Variants in MACROD2 observed in about 807,000 individuals in gnomAD.
MACROD2 encodes the protein mono-ADP ribosylhydrolase 2, also known as ADP-ribose glycohydrolase MACROD2.
Under a neutral mutation model 70.4 loss-of-function variants are expected in MACROD2, and 36 were observed. The ratio of observed to expected loss-of-function variants is 0.51; its 90% confidence interval spans 0.39 to 0.68. MACROD2 has a LOEUF of 0.68. Ranked by LOEUF, MACROD2 falls within the 30% of genes least tolerant of loss-of-function variation. The pLI, the probability that MACROD2 is intolerant of heterozygous loss-of-function variation, is 0.00. For synonymous variants in MACROD2, 172 were observed against 178.8 expected (o/e 0.96, Z 0.30); for missense variants, 496 against 538.4 (o/e 0.92, Z 0.78).
chr20:14,255,742 C>T (rs980810070), intron 3 of MACROD2, among the ~76,000 whole-genome samples: 1 of 150,938 alleles, frequency 6.6e-6, no homozygotes, highest in Non-Finnish European at 1.5e-5. Flanking sequence ...AATGTCATTC[C>T]ATTGTCTTCT....
At chr20:14,416,775 T>C (rs1472183112) in intron 3 of MACROD2, among the ~76,000 whole-genome samples, 1 of 152,234 alleles carries the variant, frequency 6.6e-6, no homozygotes, top group African/African-American at 2.4e-5. Context: ...AATCCTAGGC[T>C]ATCCTGGAGT....
At chr20:14,417,770 TTC>T (rs1339913720) in intron 3 of MACROD2, among the ~76,000 whole-genome samples, 1 of 152,228 alleles carries the variant, frequency 6.6e-6, no homozygotes, top group Non-Finnish European at 1.5e-5. Flanking sequence ...GCTGTATTAC[TTC>T]TGTTTTGAAT....
At chr20:15,643,364 A>T (rs957533841) in intron 8 of MACROD2, among the ~76,000 whole-genome samples, 2 of 152,226 alleles carry the variant, frequency 1.3e-5, no homozygotes, top group African/African-American at 2.4e-5. Flanking sequence ...CTCATTTCTT[A>T]TCATTCTGAT....
chr20:14,774,655 CT>C, intron 5 of MACROD2, among the ~76,000 whole-genome samples: 1 of 152,024 alleles, frequency 6.6e-6, no homozygotes, highest in Non-Finnish European at 1.5e-5. Flanking sequence ...ATTATTACAT[CT>C]AGACTTATAG....
intron 6 of MACROD2, among the ~76,000 whole-genome samples, chr20:15,278,242 G>A (rs1267343155): frequency 6.6e-6 from 1 of 152,196 alleles, no homozygotes; most frequent in Non-Finnish European, 1.5e-5. Flanking sequence ...GGCAGACTTA[G>A]GGATAGGTTA....
chr20:15,477,099 G>GTTTT (rs371999407), intron 7 of MACROD2, among the ~76,000 whole-genome samples: 12,328 of 115,138 alleles, frequency 0.11, 976 homozygotes, highest in African/African-American at 0.13. Context: ...TCTATTTTTA[G>GTTTT]TTTTTTTTTT....
intron 7 of MACROD2, among the ~76,000 whole-genome samples, chr20:15,454,447 A>ACACG (rs1555822881): frequency 6.9e-6 from 1 of 145,144 alleles, no homozygotes; most frequent in African/African-American, 2.6e-5. Context: ...ACACACACAC[A>ACACG]CACACACCCT....
intron 3 of MACROD2, among the ~76,000 whole-genome samples, chr20:14,463,294 G>T (rs2084395005): frequency 6.6e-6 from 1 of 151,982 alleles, no homozygotes; most frequent in African/African-American, 2.4e-5. Context: ...TCTCTTTGAA[G>T]CAATTGTGAA....
At chr20:15,318,184 C>T (rs1369592016) in intron 6 of MACROD2, among the ~76,000 whole-genome samples, 1 of 152,018 alleles carries the variant, frequency 6.6e-6, no homozygotes, top group African/African-American at 2.4e-5. Context: ...ACGAAAAGAT[C>T]ATAAGAGAAT....
intron 8 of MACROD2, among the ~76,000 whole-genome samples, chr20:15,634,940 T>C (rs2049341855): frequency 1.3e-5 from 2 of 152,204 alleles, no homozygotes; most frequent in Admixed American, 6.5e-5. Context: ...CAGAAATGAG[T>C]ATTTTCAGGT....
chr20:15,293,671 C>T (rs964475641), intron 6 of MACROD2, among the ~76,000 whole-genome samples: 47 of 152,192 alleles, frequency 3.1e-4, no homozygotes, highest in African/African-American at 1.1e-3. Context: ...TATCCAGGGC[C>T]CTGTCTAAAG....
chr20:15,009,129 G>A (rs537361175), intron 5 of MACROD2, among the ~76,000 whole-genome samples: 25 of 152,244 alleles, frequency 1.6e-4, no homozygotes, highest in African/African-American at 5.3e-4. Context: ...AGGTACTACA[G>A]GAAAAAGCCA....
intron 5 of MACROD2, among the ~76,000 whole-genome samples, chr20:14,992,969 T>C (rs1192469516): frequency 6.6e-6 from 1 of 152,172 alleles, no homozygotes; most frequent in Admixed American, 6.5e-5. Flanking sequence ...CCATCCTGTC[T>C]TACAAATACA....
intron 5 of MACROD2, among the ~76,000 whole-genome samples, chr20:14,736,566 T>C (rs552628916): frequency 2.0e-5 from 3 of 152,286 alleles, no homozygotes; most frequent in African/African-American, 7.2e-5. Flanking sequence ...ATGAAGTATC[T>C]CCACAACAAC....
chr20:15,965,502 A>G (rs2066127690), intron 12 of MACROD2, among the ~76,000 whole-genome samples: 1 of 152,286 alleles, frequency 6.6e-6, no homozygotes, highest in Admixed American at 6.5e-5. Flanking sequence ...TTCAGTGTAA[A>G]TGAATAAATT....
At chr20:14,475,493 G>A (rs1466940260) in intron 3 of MACROD2, among the ~76,000 whole-genome samples, 1 of 151,814 alleles carries the variant, frequency 6.6e-6, no homozygotes, top group Non-Finnish European at 1.5e-5. Flanking sequence ...GTTTCACACA[G>A]TAGCATCTTT....
chr20:15,098,607 C>T (rs191328671), intron 5 of MACROD2, among the ~76,000 whole-genome samples: 10 of 152,214 alleles, frequency 6.6e-5, no homozygotes, highest in South Asian at 2.1e-4. Flanking sequence ...TGCTTAGTGC[C>T]GTGAATAGAG....
chr20:14,053,094 T>C (rs567980513), intron 2 of MACROD2: 6 of 146,798 alleles, frequency 4.1e-5, no homozygotes, highest in South Asian at 4.3e-4. Context: ...TTTTTTTTTT[T>C]CTAGCTTGGG....
chr20:15,122,599 G>A (rs749865101), intron 5 of MACROD2, among the ~76,000 whole-genome samples: 2 of 152,106 alleles, frequency 1.3e-5, no homozygotes, highest in Non-Finnish European at 1.5e-5. Flanking sequence ...TTAGTCAACC[G>A]AAGCTTACAG....
Sources: allele counts gnomAD v4.1 joint callset (sites outside exome capture counted in the v4.1 genomes callset), GRCh38; gene constraint gnomAD v4.1.1; transcripts MANE v1.5; gene names NCBI Gene and HGNC (gene_info 2026-07-23, HGNC 2026-07-21).